Variants in SNAP91 observed in about 807,000 individuals in gnomAD.
SNAP91 encodes the protein clathrin coat assembly protein AP180.
A neutral mutation model predicts 100.3 loss-of-function variants in SNAP91; 27 were observed. The ratio of observed to expected loss-of-function variants is 0.27; its 90% CI spans 0.20 to 0.37. The LOEUF (loss-of-function observed/expected upper bound fraction) is 0.37. Among genes scored for constraint, SNAP91 ranks in the 10% least tolerant of loss-of-function variants. The pLI is 1.00. For missense variants in SNAP91, 986 were observed against 1,123.7 expected (o/e 0.88, Z 1.75); for synonymous variants, 404 against 398.6 (o/e 1.01, Z -0.16).
At chr6:83,646,753 G>T (rs1029886460) in intron 7 of SNAP91, among the ~76,000 whole-genome samples, 1 of 152,102 alleles carries the variant, frequency 6.6e-6, no homozygotes, top group Non-Finnish European at 1.5e-5. Context: ...GAATACTATT[G>T]CAATGAATCT....
At chr6:83,620,179 C>T (rs1446356671) in intron 9 of SNAP91, among the ~76,000 whole-genome samples, 1 of 152,190 alleles carries the variant, frequency 6.6e-6, no homozygotes, top group Non-Finnish European at 1.5e-5. Context: ...CTATGAAATT[C>T]CTCCATTCCA....
chr6:83,651,890 A>G (rs775281080), intron 7 of SNAP91, among the ~76,000 whole-genome samples: 4 of 152,096 alleles, frequency 2.6e-5, no homozygotes, highest in Non-Finnish European at 5.9e-5. Context: ...TTGCAGTTCT[A>G]GCAGTTTTTG....
chr6:83,690,126 A>G (rs1353274045), intron 2 of SNAP91: 2 of 270,340 alleles, frequency 7.4e-6, no homozygotes, highest in African/African-American at 4.6e-5. Context: ...AACACAGGAT[A>G]AAAGTGAGCA....
chr6:83,692,349 T>C (rs1562698074), intron 2 of SNAP91, among the ~76,000 whole-genome samples: 1 of 152,054 alleles, frequency 6.6e-6, no homozygotes. Context: ...ACCCCATCTC[T>C]ACTAAAAATA....
chr6:83,698,121 A>C (rs770480353), intron 2 of SNAP91, among the ~76,000 whole-genome samples: 10 of 152,128 alleles, frequency 6.6e-5, no homozygotes, highest in Non-Finnish European at 1.5e-4. Flanking sequence ...TAGTGAATCG[A>C]ATGTTTCAAA....
intron 7 of SNAP91, among the ~76,000 whole-genome samples, chr6:83,651,138 C>A (rs1240773894): frequency 6.6e-6 from 1 of 151,930 alleles, no homozygotes; most frequent in African/African-American, 2.4e-5. Context: ...AATTTGTGTC[C>A]TCTTTTTTTT....
At chr6:83,655,388 A>T (rs1312327686) in intron 7 of SNAP91, among the ~76,000 whole-genome samples, 1 of 152,190 alleles carries the variant, frequency 6.6e-6, no homozygotes, top group East Asian at 1.9e-4. Flanking sequence ...CTCCAAACTG[A>T]TGCCACGTGG....
chr6:83,660,554 G>A (rs1380299966), intron 5 of SNAP91, among the ~76,000 whole-genome samples: 3 of 152,138 alleles, frequency 2.0e-5, no homozygotes, highest in Non-Finnish European at 4.4e-5. Flanking sequence ...CCTCTGACTA[G>A]ATTTATGCAT....
intron 11 of SNAP91, chr6:83,611,427 G>C (rs915013896): frequency 5.5e-5 from 25 of 455,288 alleles, no homozygotes; most frequent in Admixed American, 1.7e-4. Flanking sequence ...ATAACTGCCA[G>C]AACAGCTCAC....
At position 83,681,164 on chromosome 6, in the gene SNAP91, A is replaced by G. The variant is rs922939420; in HGVS notation, c.131-15583T>C. Among the ~76,000 whole-genome samples the G allele has an allele frequency of 2.6e-5, 4 of 152,268 alleles. No individual in the cohort carries two copies. The South Asian group carries it at 8.3e-4, about 32-fold the overall frequency. On this transcript the variant is annotated intron_variant, in intron 2 of 29. Coordinates refer to ENST00000369694, the MANE Select transcript of SNAP91 (RefSeq NM_001242792.2). ...ATTATATGAAATTACCTTTTTTGTC[A>G]GTCAAAAATGGTTAACACCATCAGC...
intron 1 of SNAP91, 50 bp from the exon 2 acceptor site, chr6:83,708,007 C>A: frequency 6.9e-7 from 1 of 1,445,054 alleles, no homozygotes; most frequent in South Asian, 1.5e-5. Flanking sequence ...AGACCCTACC[C>A]TCCAAGCACC....
chr6:83,691,872 A>G (rs996659547), intron 2 of SNAP91, among the ~76,000 whole-genome samples: 1 of 152,226 alleles, frequency 6.6e-6, no homozygotes, highest in Non-Finnish European at 1.5e-5. Context: ...CTAATAAAGG[A>G]AAGCCATAAC....
chr6:83,565,508 T>A (rs373706103), intron 26 of SNAP91, among the ~76,000 whole-genome samples: 1 of 152,182 alleles, frequency 6.6e-6, no homozygotes, highest in Non-Finnish European at 1.5e-5. Context: ...CCCTGAGTGC[T>A]CCCATGTGTA....
chr6:83,660,203 A>G (rs2098512044), intron 5 of SNAP91, among the ~76,000 whole-genome samples: 1 of 152,208 alleles, frequency 6.6e-6, no homozygotes, highest in Admixed American at 6.5e-5. Flanking sequence ...AGAGGTCACA[A>G]TGCAGCTGGG....
chr6:83,601,542 G>T, intron 15 of SNAP91, 43 bp downstream of exon 15: 1 of 1,612,388 alleles, frequency 6.2e-7, no homozygotes, highest in Non-Finnish European at 8.5e-7. Context: ...GTTACATACA[G>T]AAGTCTGTCA....
At chr6:83,562,487 C>T (rs545877778) in intron 26 of SNAP91, among the ~76,000 whole-genome samples, 1 of 152,214 alleles carries the variant, frequency 6.6e-6, no homozygotes, top group Non-Finnish European at 1.5e-5. Context: ...TTGGATACAC[C>T]TTTAATTTTC....
chr6:83,662,669 C>G (rs1173106905), intron 3 of SNAP91, among the ~76,000 whole-genome samples: 1 of 151,812 alleles, frequency 6.6e-6, no homozygotes, highest in Non-Finnish European at 1.5e-5. Flanking sequence ...CAGTAGGCAT[C>G]CTACATAAAA....
chr6:83,690,746 CAGTATTAGATTAGCTCCTA>C (rs2099120142), intron 2 of SNAP91, among the ~76,000 whole-genome samples: 1 of 151,880 alleles, frequency 6.6e-6, no homozygotes, highest in African/African-American at 2.4e-5. Context: ...ATGAGATGGG[CAGTATTAGATTAGCTCCTA>C]TACTAAATAG....
At chr6:83,671,377 A>G (rs1358641106) in intron 2 of SNAP91, among the ~76,000 whole-genome samples, 1 of 152,026 alleles carries the variant, frequency 6.6e-6, no homozygotes, top group African/African-American at 2.4e-5. Context: ...AAACTTCCTT[A>G]TCAGTTCTTT....
Sources: gnomAD v4.1 joint callset for allele counts (sites outside exome capture counted in the v4.1 genomes callset) on GRCh38, gnomAD v4.1.1 for gene constraint, MANE v1.5 for transcripts, NCBI Gene and HGNC (gene_info 2026-07-23, HGNC 2026-07-21) for gene names.